CCDC178: variants seen among roughly 807,000 people sequenced by gnomAD.
CCDC178 encodes coiled-coil domain-containing protein 178.
In CCDC178, 126 loss-of-function variants were observed where a neutral mutation model predicts 117.4. The observed-to-expected ratio is 1.07, with a 90% CI of 0.93 to 1.24. The LOEUF (loss-of-function observed/expected upper bound fraction) is 1.24, where lower values mean the gene tolerates loss of function less well. CCDC178 is among the 50% of genes most tolerant of loss of function. The pLI, the probability that CCDC178 is intolerant of heterozygous loss-of-function variation, is 0.00. For missense variants in CCDC178, 1,030 were observed against 986.9 expected (o/e 1.04, Z -0.59); for synonymous variants, 283 against 313.4 (o/e 0.90, Z 1.02).
At chr18:33,411,350 T>C (rs2063850403) in intron 3 of CCDC178, among the ~76,000 whole-genome samples, 1 of 152,182 alleles carries the variant, frequency 6.6e-6, no homozygotes, top group African/African-American at 2.4e-5. Context: ...ATATTCCTTA[T>C]TGTCTTCTTT....
At chr18:33,085,194 A>G (rs1341684627) in intron 21 of CCDC178, among the ~76,000 whole-genome samples, 1 of 152,230 alleles carries the variant, frequency 6.6e-6, no homozygotes. Context: ...TCTAAATAAT[A>G]GAAATATTAG....
At chr18:33,246,521 A>G (rs1329879205) in intron 14 of CCDC178, among the ~76,000 whole-genome samples, 2 of 151,800 alleles carry the variant, frequency 1.3e-5, no homozygotes, top group Non-Finnish European at 2.9e-5. Context: ...ATTTTCACCT[A>G]TTCCAAAATA....
intron 21 of CCDC178, among the ~76,000 whole-genome samples, chr18:33,049,100 C>T (rs111400477): frequency 2.6e-5 from 4 of 152,020 alleles, no homozygotes; most frequent in African/African-American, 9.6e-5. Flanking sequence ...AAACTAAGAC[C>T]TAAAAAGGTA....
chr18:33,382,448 A>G (rs973624252), intron 5 of CCDC178, among the ~76,000 whole-genome samples: 2 of 152,034 alleles, frequency 1.3e-5, no homozygotes, highest in Non-Finnish European at 2.9e-5. Context: ...CAAGACCAAC[A>G]TGGAAGGTGG....
At chr18:33,440,810 C>T (rs577120035), upstream of CCDC178, 5 of 154,196 alleles carry the variant, frequency 3.2e-5, no homozygotes, top group African/African-American at 1.2e-4. Flanking sequence ...TCCGGGGCCT[C>T]CTGGCTCGAG....
At chr18:33,093,049 T>C in intron 20 of CCDC178, 139 bp from the exon 21 acceptor site, 1 of 469,890 alleles carries the variant, frequency 2.1e-6, no homozygotes, top group Non-Finnish European at 3.6e-6. Context: ...AATAACAAAA[T>C]AACCAAAAAA....
intron 11 of CCDC178, among the ~76,000 whole-genome samples, chr18:33,300,275 A>T (rs1382084931): frequency 2.0e-5 from 3 of 152,212 alleles, no homozygotes; most frequent in Non-Finnish European, 4.4e-5. Context: ...AGCCTGCAGA[A>T]CTGTGAGCCA....
intron 15 of CCDC178, among the ~76,000 whole-genome samples, chr18:33,234,147 A>G (rs1000193572): frequency 6.6e-6 from 1 of 152,114 alleles, no homozygotes; most frequent in Non-Finnish European, 1.5e-5. Context: ...ATGTTTATTT[A>G]CTTCCTCAAA....
At chr18:33,112,989 T>C (rs180920263) in intron 20 of CCDC178, among the ~76,000 whole-genome samples, 24 of 152,138 alleles carry the variant, frequency 1.6e-4, no homozygotes, top group African/African-American at 4.3e-4. Context: ...AAAGATATTT[T>C]TGTAAATTTG....
At chr18:32,947,170 G>C (rs572627023) in intron 22 of CCDC178, among the ~76,000 whole-genome samples, 1 of 152,240 alleles carries the variant, frequency 6.6e-6, no homozygotes, top group South Asian at 2.1e-4. Context: ...GTACAACCAG[G>C]AACATAACAA....
At chr18:33,086,827 G>A (rs893716626) in intron 21 of CCDC178, among the ~76,000 whole-genome samples, 32 of 152,074 alleles carry the variant, frequency 2.1e-4, no homozygotes, top group African/African-American at 7.7e-4. Context: ...GAAGGGGAGA[G>A]GGACTGTCCT....
At chr18:33,312,932 T>G (rs1413422469) in intron 11 of CCDC178, among the ~76,000 whole-genome samples, 1 of 152,142 alleles carries the variant, frequency 6.6e-6, no homozygotes, top group East Asian at 1.9e-4. Context: ...GGCCAGACCT[T>G]AAAAGTAAAC....
At chr18:33,214,688 T>C (rs271552) in intron 19 of CCDC178, among the ~76,000 whole-genome samples, 13,454 of 152,052 alleles carry the variant, frequency 0.088, 723 homozygotes, top group African/African-American at 0.15. Context: ...GAGTAGTGTT[T>C]TTCAGATAAA....
chr18:33,309,888 T>C (rs1446084614), intron 11 of CCDC178, among the ~76,000 whole-genome samples: 1 of 152,116 alleles, frequency 6.6e-6, no homozygotes, highest in Non-Finnish European at 1.5e-5. Context: ...TCTTATATGG[T>C]AAATATTTGT....
At chr18:33,384,090 G>C (rs1449694426) in intron 5 of CCDC178, among the ~76,000 whole-genome samples, 7 of 151,954 alleles carry the variant, frequency 4.6e-5, no homozygotes, top group African/African-American at 1.7e-4. Context: ...TAGCTGAATC[G>C]ATCAAGCAGA....
chr18:33,369,614 G>A (rs1412063032), intron 6 of CCDC178, among the ~76,000 whole-genome samples: 1 of 151,910 alleles, frequency 6.6e-6, no homozygotes, highest in East Asian at 1.9e-4. Flanking sequence ...AAAAGACATA[G>A]AATCATTATA....
intron 14 of CCDC178, among the ~76,000 whole-genome samples, chr18:33,262,561 T>A (rs763218584): frequency 6.6e-6 from 1 of 152,176 alleles, no homozygotes; most frequent in African/African-American, 2.4e-5. Context: ...AAATGACTCA[T>A]TATCTGGCAT....
Position 33,279,081 on chromosome 18 carries a change from C to T in CCDC178, c.1177-11784G>A, listed in dbSNP as rs571234078. On this transcript the variant is annotated intron_variant, in intron 12 of 22. Transcript: ENST00000383096. ...GCCCTCACTCACCACTCCTATTCAA[C>T]ATAGTGTTGGAAGTTCTGGCCAGGG... Among the ~76,000 whole-genome samples, 951 of 152,110 alleles carry T rather than the reference C, an allele frequency of 6.3e-3. 6 individuals are homozygous for T. The highest frequency in any genetic ancestry group is 0.022 in the African/African-American group (892 of 41,458).
intron 11 of CCDC178, among the ~76,000 whole-genome samples, chr18:33,314,003 A>G (rs1458267289): frequency 1.3e-5 from 2 of 151,346 alleles, no homozygotes; most frequent in Non-Finnish European, 2.9e-5. Context: ...GATCGAGACC[A>G]TCCCGGCTAA....
Sources: allele counts gnomAD v4.1 joint callset (sites outside exome capture counted in the v4.1 genomes callset), GRCh38; gene constraint gnomAD v4.1.1; transcripts MANE v1.5; gene names NCBI Gene and HGNC (gene_info 2026-07-23, HGNC 2026-07-21).